GPM6A: variants seen among roughly 807,000 people sequenced by gnomAD.
GPM6A encodes the protein neuronal membrane glycoprotein M6-a.
A neutral mutation model predicts 32.1 loss-of-function variants in GPM6A; 7 were observed. The ratio of observed to expected loss-of-function variants is 0.22; its 90% CI spans 0.12 to 0.41. The LOEUF (loss-of-function observed/expected upper bound fraction) is 0.41, where lower values mean the gene tolerates loss of function less well. GPM6A is among the 10% of genes least tolerant of loss of function. GPM6A has a pLI of 1.00. For synonymous variants in GPM6A, 130 were observed against 123.4 expected, an observed-to-expected ratio of 1.05 and a Z score of -0.35; for missense variants, 235 against 347.2, an observed-to-expected ratio of 0.68 and a Z score of 2.57.
At chr4:175,935,359 G>C (rs543347528) in intron 1 of GPM6A, among the ~76,000 whole-genome samples, 316 of 152,238 alleles carry the variant, frequency 2.1e-3, no homozygotes, top group Non-Finnish European at 1.5e-3. Flanking sequence ...AGAGAGGCAG[G>C]ACACTGTTTA....
chr4:175,837,589 A>G (rs937647669), intron 1 of GPM6A, among the ~76,000 whole-genome samples: 1 of 152,140 alleles, frequency 6.6e-6, no homozygotes, highest in Non-Finnish European at 1.5e-5. Flanking sequence ...AGAATTTCCT[A>G]AAAGCCCGCC....
At chr4:175,729,499 T>C (rs983178078) in intron 1 of GPM6A, among the ~76,000 whole-genome samples, 3 of 152,000 alleles carry the variant, frequency 2.0e-5, no homozygotes, top group Non-Finnish European at 2.9e-5. Context: ...AAAAAATAGT[T>C]GGAAAAAATA....
intron 1 of GPM6A, among the ~76,000 whole-genome samples, chr4:175,936,784 T>C (rs968746091): frequency 6.6e-6 from 1 of 151,950 alleles, no homozygotes; most frequent in Non-Finnish European, 1.5e-5. Flanking sequence ...AGAAACTACG[T>C]GGTAAATTGT....
chr4:175,813,156 G>T, upstream of GPM6A: 1 of 787,302 alleles, frequency 1.3e-6, no homozygotes. Context: ...GCCCACGAAA[G>T]CTGCTGGTTT....
intron 1 of GPM6A, among the ~76,000 whole-genome samples, chr4:175,758,964 C>T (rs1045742858): frequency 2.6e-5 from 4 of 152,202 alleles, no homozygotes; most frequent in Non-Finnish European, 4.4e-5. Context: ...CTAGAATCTA[C>T]TCTCCTTGAG....
In GPM6A at chr4:175,990,019, T is replaced by A. The variant is rs73873546; in HGVS notation, c.-23+12290A>T. ...GGTTGACAGAAGTCATACCAGATCA[T>A]CCTCCTACTTAATAACACGGGTTTT... On this transcript the variant is annotated intron_variant, in intron 1 of 7. Coordinates refer to the GPM6A transcript ENST00000280187. 8.3e-3 allele frequency among the ~76,000 whole-genome samples: 1,271 copies of A among 152,290 alleles called. 12 individuals are homozygous for A. Among genetic ancestry groups the A allele is most frequent in the African/African-American group, 0.028 (1,165 of 41,552 alleles).
chr4:175,882,954 A>G (rs1419192351), intron 1 of GPM6A, among the ~76,000 whole-genome samples: 1 of 152,138 alleles, frequency 6.6e-6, no homozygotes, highest in African/African-American at 2.4e-5. Context: ...AAGTAGCAGG[A>G]ATAATTGATG....
chr4:175,802,124 CA>C (rs965784333), intron 1 of GPM6A, among the ~76,000 whole-genome samples: 3 of 151,202 alleles, frequency 2.0e-5, no homozygotes, highest in Non-Finnish European at 4.4e-5. Flanking sequence ...TGCAGTGTTG[CA>C]AAAAAAAGTT....
intron 3 of GPM6A, among the ~76,000 whole-genome samples, chr4:175,652,237 A>G (rs1483041309): frequency 6.6e-6 from 1 of 152,204 alleles, no homozygotes; most frequent in Non-Finnish European, 1.5e-5. Flanking sequence ...ATCCATCTGC[A>G]TTATCATGCC....
chr4:175,911,774 T>C (rs1187553486), intron 1 of GPM6A, among the ~76,000 whole-genome samples: 1 of 152,102 alleles, frequency 6.6e-6, no homozygotes, highest in Non-Finnish European at 1.5e-5. Context: ...AGTGGGAATA[T>C]GTAAGAGAGA....
chr4:175,782,039 A>G (rs1733631418), intron 1 of GPM6A, among the ~76,000 whole-genome samples: 2 of 152,202 alleles, frequency 1.3e-5, no homozygotes, highest in Admixed American at 1.3e-4. Context: ...TGTAAAAATA[A>G]TAATGGTGTC....
intron 1 of GPM6A, among the ~76,000 whole-genome samples, chr4:175,922,939 T>C (rs1738713724): frequency 6.6e-6 from 1 of 152,112 alleles, no homozygotes; most frequent in Non-Finnish European, 1.5e-5. Flanking sequence ...AACACATCAT[T>C]GCCCACTACA....
At chr4:175,994,072 G>C (rs1741231388) in intron 1 of GPM6A, among the ~76,000 whole-genome samples, 1 of 152,130 alleles carries the variant, frequency 6.6e-6, no homozygotes, top group Non-Finnish European at 1.5e-5. Context: ...AGGACCAAAG[G>C]GACAGCTAGG....
intron 1 of GPM6A, among the ~76,000 whole-genome samples, chr4:175,945,474 G>A (rs1053844075): frequency 3.9e-5 from 6 of 151,968 alleles, no homozygotes; most frequent in African/African-American, 1.5e-4. Flanking sequence ...ATATTACTCA[G>A]TTGTAAATAA....
chr4:175,710,162 T>C (rs1198457373), intron 1 of GPM6A, among the ~76,000 whole-genome samples: 1 of 152,172 alleles, frequency 6.6e-6, no homozygotes, highest in African/African-American at 2.4e-5. Context: ...CTTTTTTTGG[T>C]ATGATTATTT....
chr4:175,791,007 A>G (rs1733991588), intron 1 of GPM6A, among the ~76,000 whole-genome samples: 1 of 152,168 alleles, frequency 6.6e-6, no homozygotes, highest in Non-Finnish European at 1.5e-5. Flanking sequence ...GAGAGAGAAT[A>G]AAGAAAAAAA....
chr4:175,928,728 T>A (rs538585328), intron 1 of GPM6A, among the ~76,000 whole-genome samples: 2 of 152,360 alleles, frequency 1.3e-5, no homozygotes, highest in South Asian at 2.1e-4. Context: ...CTGTTTAGAT[T>A]ATAATATGCA....
At chr4:175,647,638 A>G (rs1741535467) in intron 4 of GPM6A, among the ~76,000 whole-genome samples, 1 of 152,202 alleles carries the variant, frequency 6.6e-6, no homozygotes, top group Non-Finnish European at 1.5e-5. Context: ...TTAAATACCT[A>G]GTCTCCTGTA....
chr4:175,923,228 TATATATATATATATATATAC>T lies in GPM6A; in HGVS notation c.-23+79061_-23+79080del, dbSNP rs1738725348. Among the ~76,000 whole-genome samples the T allele has an allele frequency of 1.8e-4, 3 of 16,622 alleles. No individual in the cohort carries two copies. In the South Asian group the frequency reaches 0.028, roughly 154 times the overall value. The allele number at this position is 16,622 out of a possible 152,430, so 10.9% of individuals were successfully genotyped here. ...TCATAACATGATTTATATATATATATATATATATATATATATATACACAACATACAAGTGAAAAGATTAAC... is the reference window on the plus strand; with the variant it reads ...TCATAACATGATTTATATATATATATACAACATACAAGTGAAAAGATTAAC... On this transcript the variant is annotated intron_variant, in intron 1 of 7. Transcript: ENST00000280187.
Sources: gnomAD v4.1 joint callset for allele counts (sites outside exome capture counted in the v4.1 genomes callset) on GRCh38, gnomAD v4.1.1 for gene constraint, MANE v1.5 for transcripts, NCBI Gene and HGNC (gene_info 2026-07-23, HGNC 2026-07-21) for gene names.